The following MAGI2 variants were observed in gnomAD, a reference collection of about 807,000 sequenced individuals.
MAGI2 encodes the protein membrane associated guanylate kinase, WW and PDZ domain containing 2, also known as membrane-associated guanylate kinase, WW and PDZ domain-containing protein 2.
A neutral mutation model predicts 133.3 loss-of-function variants in MAGI2; 35 were observed. That is an observed-to-expected ratio of 0.26 (90% CI 0.20 to 0.35). The LOEUF (loss-of-function observed/expected upper bound fraction) is 0.35. Ranked by LOEUF, MAGI2 falls within the 10% of genes least tolerant of loss-of-function variation. The probability of loss-of-function intolerance (pLI) is 1.00; values close to 1 mark genes in which losing one functional copy is unlikely to be tolerated. For missense variants in MAGI2, 1,636 were observed against 1,863.4 expected (o/e 0.88, Z 2.25); for synonymous variants, 729 against 710.6 (o/e 1.03, Z -0.41).
intron 3 of MAGI2, among the ~76,000 whole-genome samples, chr7:78,547,414 T>G (rs74628508): frequency 2.0e-5 from 3 of 152,252 alleles, no homozygotes; most frequent in Non-Finnish European, 4.4e-5. Flanking sequence ...GTTCGCTGAG[T>G]GCTTTCGCAC....
chr7:78,337,291 T>C (rs1789870363), intron 9 of MAGI2, among the ~76,000 whole-genome samples: 1 of 152,200 alleles, frequency 6.6e-6, no homozygotes, highest in South Asian at 2.1e-4. Context: ...TGGAACATCA[T>C]AGGATCATCA....
intron 2 of MAGI2, among the ~76,000 whole-genome samples, chr7:78,637,409 G>A (rs1029779788): frequency 9.3e-5 from 14 of 150,646 alleles, no homozygotes; most frequent in South Asian, 2.1e-4. Context: ...TAGCTCACCA[G>A]CAGTGATACA....
intron 20 of MAGI2, among the ~76,000 whole-genome samples, chr7:78,105,135 A>AT (rs34533336): frequency 0.26 from 39,995 of 151,896 alleles, 5,913 homozygotes; most frequent in East Asian, 0.57. Context: ...TATTCCCTTG[A>AT]TTTTTTTAGC....
intron 3 of MAGI2, among the ~76,000 whole-genome samples, chr7:78,612,881 AG>A (rs1563243107): frequency 1.7e-3 from 260 of 152,220 alleles, no homozygotes; most frequent in African/African-American, 5.9e-3. Flanking sequence ...TGTGTTAGCC[AG>A]GATGGTCTCG....
At chr7:78,639,014 C>T (rs1007646393) in intron 2 of MAGI2, among the ~76,000 whole-genome samples, 10 of 152,072 alleles carry the variant, frequency 6.6e-5, no homozygotes, top group African/African-American at 2.4e-4. Flanking sequence ...TTAATCTGGG[C>T]CAGAACTAGA....
chr7:78,666,303 C>T (rs1813576023), intron 2 of MAGI2, among the ~76,000 whole-genome samples: 1 of 152,002 alleles, frequency 6.6e-6, no homozygotes, highest in Admixed American at 6.6e-5. Context: ...AAGACAGAAA[C>T]AAATATCTTA....
At chr7:79,270,742 A>T (rs994964241) in intron 1 of MAGI2, among the ~76,000 whole-genome samples, 1 of 150,802 alleles carries the variant, frequency 6.6e-6, no homozygotes, top group African/African-American at 2.4e-5. Flanking sequence ...AGTCTTAGTT[A>T]TTTTTTTTTA....
At chr7:79,030,741 C>G (rs10272308) in intron 1 of MAGI2, among the ~76,000 whole-genome samples, 18,004 of 152,150 alleles carry the variant, frequency 0.12, 1,512 homozygotes, top group African/African-American at 0.24. Flanking sequence ...AGGAGATACT[C>G]TGAAAATCAA....
intron 2 of MAGI2, among the ~76,000 whole-genome samples, chr7:78,660,439 G>A (rs753365589): frequency 6.6e-5 from 10 of 151,950 alleles, no homozygotes; most frequent in East Asian, 1.9e-4. Context: ...ATATCAACTC[G>A]ATTCACAGAA....
At chr7:78,736,226 C>T (rs1000509747) in intron 2 of MAGI2, among the ~76,000 whole-genome samples, 2 of 152,146 alleles carry the variant, frequency 1.3e-5, no homozygotes, top group Non-Finnish European at 2.9e-5. Context: ...TGAGAAAATA[C>T]ACCAATTAGT....
chr7:79,435,939 A>C (rs564380469), intron 1 of MAGI2, among the ~76,000 whole-genome samples: 2 of 152,244 alleles, frequency 1.3e-5, no homozygotes, highest in South Asian at 4.1e-4. Context: ...CCAATGGAAA[A>C]TAGTAAAGAG....
At chr7:78,418,078 C>A (rs1267703425) in intron 6 of MAGI2, among the ~76,000 whole-genome samples, 1 of 152,046 alleles carries the variant, frequency 6.6e-6, no homozygotes, top group Non-Finnish European at 1.5e-5. Context: ...TGCTTGAGCC[C>A]AGGAGTCTGG....
chr7:78,792,033 A>G (rs933579717), intron 2 of MAGI2, among the ~76,000 whole-genome samples: 1 of 152,198 alleles, frequency 6.6e-6, no homozygotes, highest in Admixed American at 6.5e-5. Context: ...CTTCACGGAC[A>G]GATTTTGGCT....
chr7:79,377,949 G>T (rs1168572729), intron 1 of MAGI2, among the ~76,000 whole-genome samples: 1 of 151,822 alleles, frequency 6.6e-6, no homozygotes, highest in African/African-American at 2.4e-5. Context: ...TCTAATGTGT[G>T]TCAAAAAATA....
At chr7:78,886,858 T>C (rs1261654249) in intron 2 of MAGI2, among the ~76,000 whole-genome samples, 3 of 152,142 alleles carry the variant, frequency 2.0e-5, no homozygotes, top group Non-Finnish European at 4.4e-5. Flanking sequence ...CCAAATCTCA[T>C]CTTGAATAAG....
At chr7:78,265,431 G>C (rs1793903263) in intron 9 of MAGI2, among the ~76,000 whole-genome samples, 1 of 152,096 alleles carries the variant, frequency 6.6e-6, no homozygotes, top group African/African-American at 2.4e-5. Context: ...AGCATAAAAT[G>C]GTCAATGAAT....
At chr7:78,449,476 C>T (rs963083443) in intron 6 of MAGI2, among the ~76,000 whole-genome samples, 2 of 151,986 alleles carry the variant, frequency 1.3e-5, no homozygotes, top group African/African-American at 2.4e-5. Context: ...AATATAAATA[C>T]GATGGAAATA....
intron 2 of MAGI2, among the ~76,000 whole-genome samples, chr7:78,786,495 C>T (rs529342790): frequency 9.0e-4 from 137 of 152,276 alleles, no homozygotes; most frequent in African/African-American, 3.1e-3. Context: ...CACTTCTAAG[C>T]CCCCACCTCT....
intron 6 of MAGI2, among the ~76,000 whole-genome samples, chr7:78,434,914 G>A (rs1483734927): frequency 6.6e-6 from 1 of 152,116 alleles, no homozygotes; most frequent in Non-Finnish European, 1.5e-5. Flanking sequence ...TGGCTGGCTG[G>A]CTGGCCATTC....
Sources: gnomAD v4.1 joint callset for allele counts (sites outside exome capture counted in the v4.1 genomes callset) on GRCh38, gnomAD v4.1.1 for gene constraint, MANE v1.5 for transcripts, NCBI Gene and HGNC (gene_info 2026-07-23, HGNC 2026-07-21) for gene names.